The following UPRT variants were observed in gnomAD, a reference collection of about 807,000 sequenced individuals.
The protein encoded by UPRT is RP11-311P8.3.
In UPRT, 5 loss-of-function variants were observed where a neutral mutation model predicts 22.6. The observed-to-expected ratio is 0.22, with a 90% CI of 0.12 to 0.47. UPRT has a LOEUF of 0.47. Ranked by LOEUF, UPRT falls within the 20% of genes least tolerant of loss-of-function variation. The probability of loss-of-function intolerance (pLI) is 0.99; values close to 1 mark genes in which losing one functional copy is unlikely to be tolerated. For synonymous variants in UPRT, 77 were observed against 87.7 expected (o/e 0.88, Z 0.68); for missense variants, 181 against 239.9 (o/e 0.75, Z 1.62).
At chrX:75,182,075 A>G (rs1260635643) in intron 4 of UPRT, among the ~76,000 whole-genome samples, 1 of 112,140 alleles carries the variant, frequency 8.9e-6, no homozygotes, top group Non-Finnish European at 1.9e-5. Context: ...AATTTTATCA[A>G]AAAGGCTTTT....
chrX:75,175,373 A>G (rs964449049), intron 4 of UPRT, among the ~76,000 whole-genome samples: 2 of 112,163 alleles, frequency 1.8e-5, no homozygotes, highest in Non-Finnish European at 1.9e-5. Context: ...AAGTCTCCCA[A>G]TTACAACTGA....
chrX:75,191,151 G>A (rs904158430), intron 4 of UPRT, among the ~76,000 whole-genome samples: 3 of 112,035 alleles, frequency 2.7e-5, no homozygotes, highest in African/African-American at 6.5e-5. Context: ...TACAGATGGG[G>A]TTTTGGTGTG....
intron 1 of UPRT, among the ~76,000 whole-genome samples, chrX:75,275,321 A>C (rs1602487021): frequency 1.8e-5 from 2 of 112,230 alleles, no homozygotes; most frequent in Admixed American, 1.9e-4. Context: ...GTAATTTTGA[A>C]ATTTCTAAAC....
intron 4 of UPRT, among the ~76,000 whole-genome samples, chrX:75,219,131 T>C (rs2082402724): frequency 8.9e-6 from 1 of 112,334 alleles, no homozygotes; most frequent in African/African-American, 3.2e-5. Flanking sequence ...CCTTCAAGTA[T>C]TGACAGGTCT....
At chrX:75,198,721 G>A (rs2082339643) in intron 4 of UPRT, among the ~76,000 whole-genome samples, 1 of 111,315 alleles carries the variant, frequency 9.0e-6, no homozygotes, top group African/African-American at 3.3e-5. Flanking sequence ...TATGCAGATA[G>A]GTGAGCACCC....
At chrX:75,261,182 C>T (rs2082566488) in intron 4 of UPRT, among the ~76,000 whole-genome samples, 1 of 111,165 alleles carries the variant, frequency 9.0e-6, no homozygotes, top group Non-Finnish European at 1.9e-5. Context: ...CCTAACATCA[C>T]AATTAAAAGA....
intron 4 of UPRT, among the ~76,000 whole-genome samples, chrX:75,195,019 A>G (rs376061531): frequency 9.0e-6 from 1 of 110,764 alleles, no homozygotes; most frequent in East Asian, 2.9e-4. Flanking sequence ...GGTAGGGTGC[A>G]TGTGCACATG....
chrX:75,221,656 G>C (rs765386763), intron 4 of UPRT, among the ~76,000 whole-genome samples: 2 of 111,459 alleles, frequency 1.8e-5, no homozygotes, highest in Admixed American at 1.9e-4. Flanking sequence ...ATTTCTGCTT[G>C]ATTCTTTTAA....
At chrX:75,246,937 G>A (rs1277481011) in intron 4 of UPRT, among the ~76,000 whole-genome samples, 1 of 111,901 alleles carries the variant, frequency 8.9e-6, no homozygotes, top group Non-Finnish European at 1.9e-5. Context: ...TTGAGAATAA[G>A]CATGTCACTT....
intron 4 of UPRT, among the ~76,000 whole-genome samples, chrX:75,210,558 G>T (rs2082377627): frequency 9.3e-6 from 1 of 107,524 alleles, no homozygotes; most frequent in African/African-American, 3.4e-5. Context: ...CAGGAAAAGG[G>T]GGTTGGGTGT....
chrX:75,291,652 G>A (rs2082708474), intron 1 of UPRT: 1 of 147,920 alleles, frequency 6.8e-6, no homozygotes, highest in Non-Finnish European at 1.3e-5. Context: ...AAAAAAAAAC[G>A]AGGTCAACTT....
At chrX:75,296,537 T>C (rs2082726373) in intron 3 of UPRT, 126 bp downstream of exon 3, 1 of 539,938 alleles carries the variant, frequency 1.9e-6, no homozygotes, top group Non-Finnish European at 2.9e-6. Flanking sequence ...AGCTATTCTT[T>C]TAAAATCTTA....
intron 4 of UPRT, among the ~76,000 whole-genome samples, chrX:75,247,970 A>T (rs2082513007): frequency 8.9e-6 from 1 of 111,966 alleles, no homozygotes; most frequent in African/African-American, 3.3e-5. Flanking sequence ...CAGGGTTTGG[A>T]GTGGACCTCC....
upstream of UPRT, among the ~76,000 whole-genome samples, chrX:75,272,356 A>G (rs970816499): frequency 3.0e-4 from 27 of 90,262 alleles, no homozygotes; most frequent in African/African-American, 9.7e-4. Flanking sequence ...ACATATATAT[A>G]TGTGTATATA....
intron 4 of UPRT, among the ~76,000 whole-genome samples, chrX:75,219,811 T>C (rs956868939): frequency 4.5e-5 from 5 of 111,602 alleles, no homozygotes; most frequent in Non-Finnish European, 7.5e-5. Flanking sequence ...TGGACAGATC[T>C]TCCAGATAAA....
At chrX:75,244,158 C>A (rs1047214353) in intron 4 of UPRT, among the ~76,000 whole-genome samples, 1 of 111,392 alleles carries the variant, frequency 9.0e-6, no homozygotes, top group African/African-American at 3.3e-5. Context: ...ACCACTGATA[C>A]CAATACCAAA....
chrX:75,252,908 G>A (rs1000181837), intron 4 of UPRT, among the ~76,000 whole-genome samples: 3 of 111,523 alleles, frequency 2.7e-5, no homozygotes, highest in African/African-American at 3.3e-5. Flanking sequence ...TGGATGAAGC[G>A]GGAAGCCATC....
intron 4 of UPRT, among the ~76,000 whole-genome samples, chrX:75,201,977 A>C (rs2082348388): frequency 9.0e-6 from 1 of 111,539 alleles, no homozygotes; most frequent in African/African-American, 3.3e-5. Flanking sequence ...AAAAACTTTA[A>C]ACCTCTTGGG....
intron 4 of UPRT, among the ~76,000 whole-genome samples, chrX:75,168,459 T>C (rs1399524989): frequency 1.8e-5 from 2 of 112,020 alleles, no homozygotes; most frequent in Non-Finnish European, 3.8e-5. Context: ...TGTCCTTTTT[T>C]ATCATTTTTA....
Sources: allele counts gnomAD v4.1 joint callset (sites outside exome capture counted in the v4.1 genomes callset), GRCh38; gene constraint gnomAD v4.1.1; transcripts MANE v1.5; gene names NCBI Gene and HGNC (gene_info 2026-07-23, HGNC 2026-07-21).